Variants in CHD3 observed in about 807,000 individuals in gnomAD.
The protein encoded by CHD3 is chromodomain helicase DNA binding protein 3, also known as ATP-dependent chromatin remodeler CHD3.
A neutral mutation model predicts 248.9 loss-of-function variants in CHD3; 52 were observed. That is an observed-to-expected ratio of 0.21 (90% CI 0.17 to 0.26). The LOEUF is 0.26. CHD3 is among the 10% of genes least tolerant of loss of function. The pLI is 1.00. For missense variants in CHD3, 1,482 were observed against 2,605.8 expected (o/e 0.57, Z 9.39); for synonymous variants, 985 against 985.2 (o/e 1.00, Z 0.00).
intron 4 of CHD3, 108 bp from the exon 5 acceptor site, chr17:7,893,178 C>T (rs1383331249): frequency 3.5e-6 from 5 of 1,426,056 alleles, no homozygotes; most frequent in Non-Finnish European, 4.6e-6. Context: ...GACATATTCT[C>T]ACCACCCAGG....
rs549058391 is a variant in CHD3, at chr17:7,888,860, T to A, written c.-141T>A. On this transcript the variant is annotated 5_prime_UTR_variant, in exon 1 of 40. An upstream open reading frame in the 5' UTR loses its in-frame stop. Coordinates refer to ENST00000330494, the MANE Select transcript of CHD3 (RefSeq NM_001005273.3). The stretch of plus-strand genomic sequence containing the variant: ...GGATATCTGGAACAAAATATGGAGG[T>A]GAAGGGTGAGATCGGGAAACAAAGG... The A allele has an allele frequency of 6.8e-7, 1 of 1,469,590 alleles. No homozygotes were observed. Among genetic ancestry groups the A allele is most frequent in the East Asian group, 2.4e-5 (1 of 41,480 alleles). The allele number at this position is 1,469,590 out of a possible 1,614,324, so 91.0% of individuals were successfully genotyped here.
intron 2 of CHD3, 75 bp from the exon 3 acceptor site, chr17:7,890,496 G>T (rs1968684031): frequency 9.7e-7 from 1 of 1,027,636 alleles, no homozygotes; most frequent in Admixed American, 3.1e-5. Flanking sequence ...AAAGAGGTAA[G>T]ATATGGTATG....
rs765997564 is a variant in CHD3, at chr17:7,890,555, T to A, written c.214-16T>A. On this transcript the variant is annotated splice_polypyrimidine_tract_variant and intron_variant, in intron 2 of 39. Coordinates refer to ENST00000330494, the MANE Select transcript of CHD3 (RefSeq NM_001005273.3). ...GGTAGGGATGAATAAATGTTATTTT[T>A]ATTTCTTTCTCTTAGGACAGTGAGG... is the stretch of plus-strand genomic sequence containing the variant. 6.5e-7 allele frequency: 1 copy of A among 1,531,346 alleles called. No homozygotes were observed. Among genetic ancestry groups the A allele is most frequent in the Non-Finnish European group, 8.8e-7 (1 of 1,137,218 alleles). 94.9% of individuals were successfully genotyped at this position (1,531,346 alleles called of 1,614,324 possible).
rs762826875 is a variant in CHD3 at position 7,908,049 on chromosome 17, C to T, written c.5152+30C>T. On this transcript the variant is annotated intron_variant, in intron 34 of 39. Transcript: ENST00000330494. The surrounding 1 kb of genome is among the most constrained non-coding windows in gnomAD (Gnocchi z 5.8). ...GGGAGACTCTCGCTGCTTTCTGCTC[C>T]TCAAGGGGATCTGCTCATCCTCATG... 7 of 1,573,010 alleles carry T rather than the reference C, an allele frequency of 4.5e-6. No homozygotes were observed. Among genetic ancestry groups the T allele is most frequent in the Admixed American group, 1.8e-5 (1 of 55,692 alleles).
Position 7,912,499 on chromosome 17 carries a change from C to T in CHD3, c.*914C>T, listed in dbSNP as rs1971770352. On this transcript the variant is annotated 3_prime_UTR_variant, in exon 40 of 40. Coordinates refer to ENST00000330494, the MANE Select transcript of CHD3 (RefSeq NM_001005273.3). ...GTCAGGCAGGGGACCTAGTCAGGGT[C>T]TTGGGAGCTACCTTGTCGTTGGGAC... The T allele has an allele frequency of 1.3e-5, 2 of 152,178 alleles. No homozygotes were observed. The highest frequency in any genetic ancestry group is 4.1e-4 in the South Asian group (2 of 4,830). 9.4% of individuals were successfully genotyped at this position (152,178 alleles called of 1,614,324 possible).
Position 7,903,173 on chromosome 17 carries a change from G to A in CHD3, c.3496-99G>A. 6.4e-7 allele frequency: 1 copy of A among 1,563,642 alleles called. No individual in the cohort carries two copies. The highest frequency in any genetic ancestry group is 8.7e-7 in the Non-Finnish European group (1 of 1,143,568). On this transcript the variant is annotated intron_variant, in intron 22 of 39. Coordinates refer to ENST00000330494, the MANE Select transcript of CHD3 (RefSeq NM_001005273.3). This position sits in a 1 kb window ranked among gnomAD's most constrained non-coding sequence, Gnocchi z 6.8. ...ATAAATCTCTTCTGGGAGGAGAGAA[G>A]GCCCTTCTTCAGCAGCCTTCTTTCC...
chr17:7,893,899 A>G lies in CHD3; in HGVS notation c.888A>G (p.Leu296=). Residue 296 remains leucine (L), a synonymous_variant, in exon 6 of 40, where the codon CTA becomes CTG. Coordinates refer to ENST00000330494, the MANE Select transcript of CHD3 (RefSeq NM_001005273.3). The part of the protein sequence containing the change: ...GKKMAPLKIK[L]GLLGGKRKKG... ...AAATGGCACCACTCAAAATAAAACT[A>G]GGGCTTCTGGGTGGCAAGAGGAAGA... is the stretch of plus-strand genomic sequence containing the variant. The G allele has an allele frequency of 4.3e-6, 7 of 1,613,958 alleles. No homozygotes were observed. The highest frequency in any genetic ancestry group is 5.9e-6 in the Non-Finnish European group (7 of 1,179,966).
chr17:7,906,437 T>G lies in CHD3; in HGVS notation c.4359-116T>G. The G allele has an allele frequency of 9.3e-7, 1 of 1,080,024 alleles. No individual in the cohort carries two copies. The highest frequency in any genetic ancestry group is 1.4e-6 in the Non-Finnish European group (1 of 726,314). 66.9% of individuals were successfully genotyped at this position (1,080,024 alleles called of 1,614,324 possible). On this transcript the variant is annotated intron_variant, in intron 28 of 39. Transcript: ENST00000330494. The surrounding 1 kb of genome is among the most constrained non-coding windows in gnomAD (Gnocchi z 5.0). ...AGTGAGAGGCCCAGGGGAGGAGCCCTGGAGCACCTGGGGATTTGGGGGTTT... is the reference window on the plus strand; with the variant it reads ...AGTGAGAGGCCCAGGGGAGGAGCCCGGGAGCACCTGGGGATTTGGGGGTTT...
Position 7,908,634 on chromosome 17 carries a change from A to G in CHD3, c.5262-63A>G. 6.2e-7 allele frequency: 1 copy of G among 1,604,150 alleles called. No homozygotes were observed. The highest frequency in any genetic ancestry group is 8.5e-7 in the Non-Finnish European group (1 of 1,172,122). ...TTGGGGAGTCAAGCCAAAAGGAAGA[A>G]GTGTTCAAAGCCAAGCCCATTCCTG... is the stretch of plus-strand genomic sequence containing the variant. On this transcript the variant is annotated intron_variant, in intron 35 of 39. Transcript: ENST00000330494. This position sits in a 1 kb window ranked among gnomAD's most constrained non-coding sequence, Gnocchi z 5.8.
At position 7,910,576 on chromosome 17, in the gene CHD3, G is replaced by T. The variant is rs1205575996; in HGVS notation, c.5739G>T (p.Glu1913Asp). The change falls in exon 38 of 40, where the codon GAG becomes GAT. Residue 1913 changes from glutamate to aspartate, a missense_variant. By Grantham distance (45) the Glu-to-Asp change is conservative. Around this residue, in one of 20 missense-constraint regions of CHD3, gnomAD observed 117 missense variants for 137.2 expected, o/e 0.85. Transcript: ENST00000330494. The surrounding 1 kb of genome is among the most constrained non-coding windows in gnomAD (Gnocchi z 4.7). ...GCCGGCTGGCCAGCAAGGGCACGGA[G>T]CCTCACCCCACACCGGTAACCCTCT... Reference protein sequence around the residue: ...ILSRLASKGTEPHPTPAYPPG... With the variant: ...ILSRLASKGTDPHPTPAYPPG... The T allele has an allele frequency of 3.1e-6, 5 of 1,610,658 alleles. No homozygotes were observed. The highest frequency in any genetic ancestry group is 1.1e-5 in the South Asian group (1 of 91,046).
At position 7,911,007 on chromosome 17, in the gene CHD3, C is replaced by A; in HGVS notation, c.5881+34C>A. ...GTGTTTTCCTACCCCCTGCTACTCA[C>A]ACTCCTCCTTTGCCAAACTTTATTT... On this transcript the variant is annotated intron_variant, in intron 39 of 39. Coordinates refer to ENST00000330494, the MANE Select transcript of CHD3 (RefSeq NM_001005273.3). This position sits in a 1 kb window ranked among gnomAD's most constrained non-coding sequence, Gnocchi z 5.4. 6.2e-7 allele frequency: 1 copy of A among 1,610,506 alleles called. No homozygotes were observed.
At position 7,910,340 on chromosome 17, in the gene CHD3, G is replaced by A; in HGVS notation, c.5591-88G>A. 6.6e-7 allele frequency: 1 copy of A among 1,509,478 alleles called. No individual in the cohort carries two copies. Among genetic ancestry groups the A allele is most frequent in the Non-Finnish European group, 9.2e-7 (1 of 1,086,064 alleles). 93.5% of individuals were successfully genotyped at this position (1,509,478 alleles called of 1,614,324 possible). A position where few individuals can be genotyped will look rare whatever the true frequency, so the allele number is the denominator to read the frequency against. On this transcript the variant is annotated intron_variant, in intron 37 of 39. Transcript: ENST00000330494. This position sits in a 1 kb window ranked among gnomAD's most constrained non-coding sequence, Gnocchi z 4.7. ...TCTCGCTCTTTTTCTGCCTGTATCT[G>A]TCCATCTGATGCCTCTCTTTTCCTG...
chr17:7,901,050 G>A (rs1970238806), intron 19 of CHD3, 57 bp downstream of exon 19: 1 of 1,582,450 alleles, frequency 6.3e-7, no homozygotes, highest in South Asian at 1.2e-5. Context: ...ACATGGGTGG[G>A]GAGTAGTGGG....
intron 10 of CHD3, among the ~76,000 whole-genome samples, chr17:7,896,559 C>A (rs2151533220): frequency 6.6e-6 from 1 of 151,994 alleles, no homozygotes; most frequent in Non-Finnish European, 1.5e-5. Flanking sequence ...GCATGCGCCA[C>A]CACGCTTGGC....
chr17:7,909,322 C>A lies in CHD3; in HGVS notation c.5574C>A (p.Asn1858Lys). 6.4e-7 allele frequency: 1 copy of A among 1,557,122 alleles called. No homozygotes were observed. The highest frequency in any genetic ancestry group is 8.7e-7 in the Non-Finnish European group (1 of 1,152,134). ...KESLAGNKPA[N>K]AVLHKVLNQL... ...CGCTGGCGGGGAACAAGCCGGCCAACGCCGTCCTGCACAAGGGTAAGGGCC... is the reference window on the plus strand; with the variant it reads ...CGCTGGCGGGGAACAAGCCGGCCAAAGCCGTCCTGCACAAGGGTAAGGGCC... The change falls in exon 37 of 40, where the codon AAC (asparagine) becomes AAA (lysine). Residue 1858 changes from asparagine to lysine, a missense_variant. This residue lies in a region of CHD3 where 83 missense variants were observed against 181.0 expected (regional missense o/e 0.46). Transcript: ENST00000330494. This position sits in a 1 kb window ranked among gnomAD's most constrained non-coding sequence, Gnocchi z 8.1.
In CHD3 at chr17:7,907,049, T is replaced by G; in HGVS notation, c.4666+18T>G. 1 of 1,613,860 alleles carries G rather than the reference T, an allele frequency of 6.2e-7. No homozygotes were observed. The highest frequency in any genetic ancestry group is 8.5e-7 in the Non-Finnish European group (1 of 1,179,848). The stretch of plus-strand genomic sequence containing the variant: ...TAAACCTGGTAATCAGAAGTCAGGA[T>G]GGTGGGAGAGACAGAAAGGGAGCCA... On this transcript the variant is annotated intron_variant, in intron 30 of 39. Coordinates refer to ENST00000330494, the MANE Select transcript of CHD3 (RefSeq NM_001005273.3). This position sits in a 1 kb window ranked among gnomAD's most constrained non-coding sequence, Gnocchi z 4.3.
rs1251729482 is a variant in CHD3 at position 7,912,378 on chromosome 17, C to G, written c.*793C>G. ...AAGGGTGGGAGAGAATACAATGGGC[C>G]AGATGTGGTGGAAGCCCAGCTCTGG... On this transcript the variant is annotated 3_prime_UTR_variant, in exon 40 of 40. Transcript: ENST00000330494. 1 of 152,362 alleles carries G rather than the reference C, an allele frequency of 6.6e-6. No homozygotes were observed. The highest frequency in any genetic ancestry group is 1.5e-5 in the Non-Finnish European group (1 of 68,218). 9.4% of individuals were successfully genotyped at this position (152,362 alleles called of 1,614,324 possible).
Position 7,889,880 on chromosome 17 carries a change from G to C in CHD3, c.213+104G>C. On this transcript the variant is annotated intron_variant, in intron 2 of 39. Transcript: ENST00000330494. The surrounding 1 kb of genome is among the most constrained non-coding windows in gnomAD (Gnocchi z 4.5). ...ATTACTGGTGTGGGGGTGGGGTTCT[G>C]AAGCCAGGGAGGCTTGATCCCCCGG... The C allele has an allele frequency of 8.6e-7, 1 of 1,165,456 alleles. No homozygotes were observed. The highest frequency in any genetic ancestry group is 1.2e-6 in the Non-Finnish European group (1 of 813,834). The allele number at this position is 1,165,456 out of a possible 1,614,324, so 72.2% of individuals were successfully genotyped here. A position where few individuals can be genotyped will look rare whatever the true frequency, so the allele number is the denominator to read the frequency against.
In CHD3 at chr17:7,903,558, C is replaced by T; in HGVS notation, c.3727+55C>T. ...GCAGGCCCCTGCTCTCTCAGGAGTA[C>T]TTATCAGCCCCCTGGGGAGAGAAAA... On this transcript the variant is annotated intron_variant, in intron 23 of 39. Transcript: ENST00000330494. The surrounding 1 kb of genome is among the most constrained non-coding windows in gnomAD (Gnocchi z 6.8). The T allele has an allele frequency of 1.4e-6, 2 of 1,428,334 alleles. No homozygotes were observed. The highest frequency in any genetic ancestry group is 1.9e-6 in the Non-Finnish European group (2 of 1,031,550). 88.5% of individuals were successfully genotyped at this position (1,428,334 alleles called of 1,614,324 possible). A position where few individuals can be genotyped will look rare whatever the true frequency, so the allele number is the denominator to read the frequency against.
Sources: allele counts gnomAD v4.1 joint callset (sites outside exome capture counted in the v4.1 genomes callset), GRCh38; gene constraint gnomAD v4.1.1; regional missense constraint gnomAD v4.1.1; non-coding constraint Gnocchi (gnomAD v3.1); transcripts MANE v1.5; gene names NCBI Gene and HGNC (gene_info 2026-07-23, HGNC 2026-07-21).